Variants in ARFGEF3 observed in about 807,000 individuals in gnomAD.
ARFGEF3 encodes the protein ARFGEF family member 3.
In ARFGEF3, 96 loss-of-function variants were observed where a neutral mutation model predicts 221.7. That is an observed-to-expected ratio of 0.43 (90% CI 0.37 to 0.51). The LOEUF is 0.51. Ranked by LOEUF, ARFGEF3 falls within the 20% of genes least tolerant of loss-of-function variation. ARFGEF3 has a pLI of 0.00. For missense variants in ARFGEF3, 2,410 were observed against 2,789.9 expected (o/e 0.86, Z 3.07); for synonymous variants, 1,145 against 1,126.8 (o/e 1.02, Z -0.32).
intron 4 of ARFGEF3, among the ~76,000 whole-genome samples, chr6:138,212,252 G>T (rs981297738): frequency 6.6e-6 from 1 of 152,180 alleles, no homozygotes; most frequent in Admixed American, 6.5e-5. Context: ...TTGTCAGCTG[G>T]GCATTTGACT....
chr6:138,323,701 C>T lies in ARFGEF3; in HGVS notation c.4797C>T (p.Phe1599=). The change falls in exon 30 of 34, where the codon TTC becomes TTT. Residue 1599 remains phenylalanine, a synonymous_variant. Coordinates refer to ENST00000251691, the MANE Select transcript of ARFGEF3 (RefSeq NM_020340.5). ...TCCTTGTGACAGCGGGCCCTGTGTT[C>T]ACTGAGGAGATGTGGAGGCTTGCCT... is the stretch of plus-strand genomic sequence containing the variant. ...RYVLVTAGPV[F]TEEMWRLACC... is the part of the protein sequence containing the mutation. The T allele has an allele frequency of 6.8e-6, 11 of 1,613,928 alleles. No homozygotes were observed. The highest frequency in any genetic ancestry group is 1.7e-5 in the Admixed American group (1 of 60,012).
intron 2 of ARFGEF3, among the ~76,000 whole-genome samples, chr6:138,173,624 G>A (rs575543298): frequency 6.6e-6 from 1 of 152,286 alleles, no homozygotes; most frequent in South Asian, 2.1e-4. Context: ...GTGTTCATGT[G>A]TATGTGTGTG....
rs1286669877 is a variant in ARFGEF3 at position 138,298,641 on chromosome 6, G to A, written c.3684G>A (p.Lys1228=). ...ATAAGGAAAGACATGTGTCTCAGAA[G>A]GCTGTTTCCTTCATCCATGACATAC... ...ACHKERHVSQ[K]AVSFIHDILT... Residue 1228 remains lysine (K), a synonymous_variant, in exon 22 of 34, where the codon AAG becomes AAA. Transcript: ENST00000251691. 1.9e-6 allele frequency: 3 copies of A among 1,613,374 alleles called. No homozygotes were observed. Among genetic ancestry groups the A allele is most frequent in the Admixed American group, 3.3e-5 (2 of 59,958 alleles).
chr6:138,312,895 A>G (rs1779855594), intron 25 of ARFGEF3, among the ~76,000 whole-genome samples: 1 of 152,120 alleles, frequency 6.6e-6, no homozygotes, highest in Non-Finnish European at 1.5e-5. Flanking sequence ...TTTTTAGTAG[A>G]GACGGGGTTT....
intron 2 of ARFGEF3, among the ~76,000 whole-genome samples, chr6:138,205,673 G>C (rs1184473938): frequency 2.2e-4 from 34 of 152,250 alleles, no homozygotes; most frequent in Non-Finnish European, 1.0e-4. Flanking sequence ...GGATGTAACA[G>C]AGTTGGGTAA....
intron 9 of ARFGEF3, 31 bp from the exon 10 acceptor site, chr6:138,255,405 G>A (rs1327613815): frequency 1.3e-6 from 2 of 1,514,336 alleles, no homozygotes; most frequent in Non-Finnish European, 1.8e-6. Flanking sequence ...GGCTCGTGGG[G>A]AAAGTTACTT....
At chr6:138,164,916 G>T (rs1331000300) in intron 1 of ARFGEF3, among the ~76,000 whole-genome samples, 1 of 152,036 alleles carries the variant, frequency 6.6e-6, no homozygotes, top group East Asian at 1.9e-4. Context: ...CGCTACTTAG[G>T]TCATCATGGG....
At chr6:138,269,371 C>T (rs1778956398) in intron 12 of ARFGEF3, among the ~76,000 whole-genome samples, 1 of 152,218 alleles carries the variant, frequency 6.6e-6, no homozygotes. Context: ...GGTTTAAACA[C>T]CTCAAAAGAT....
chr6:138,212,304 G>A (rs917695203), intron 4 of ARFGEF3, among the ~76,000 whole-genome samples: 2 of 152,256 alleles, frequency 1.3e-5, no homozygotes, highest in African/African-American at 4.8e-5. Flanking sequence ...AAGGCAGGGG[G>A]ATGGCTTGAG....
chr6:138,170,463 G>T (rs913069158), intron 1 of ARFGEF3, among the ~76,000 whole-genome samples, 199 bp from the exon 2 acceptor site: 2 of 152,110 alleles, frequency 1.3e-5, no homozygotes, highest in Admixed American at 6.5e-5. Flanking sequence ...CTCCTAGTTT[G>T]CAAGGTCCAG....
rs1780053749 is a variant in ARFGEF3, at chr6:138,322,692, G to A, written c.4767-979G>A. Among the ~76,000 whole-genome samples, 3 of 151,782 alleles carry A rather than the reference G, an allele frequency of 2.0e-5. No homozygotes were observed. The South Asian group carries it at 6.3e-4, about 32-fold the overall frequency. On this transcript the variant is annotated intron_variant, in intron 29 of 33. Transcript: ENST00000251691. Reference sequence around the variant, plus strand: ...CGCCTGTAGTCCCAGCTACTCAGGAGGCTGAGGCAGGAGAATTGCTTGAAC... The same window carrying A: ...CGCCTGTAGTCCCAGCTACTCAGGAAGCTGAGGCAGGAGAATTGCTTGAAC...
chr6:138,313,823 T>C lies in ARFGEF3; in HGVS notation c.4229T>C (p.Leu1410Ser). 6.2e-7 allele frequency: 1 copy of C among 1,613,986 alleles called. No individual in the cohort carries two copies. The highest frequency in any genetic ancestry group is 1.7e-5 in the Admixed American group (1 of 60,016). ...TTGGCCAAAATCTACAAAATGCCCTTGAAGCCAATATTCCTTAGTGGGAGA... is the reference window on the plus strand; with the variant it reads ...TTGGCCAAAATCTACAAAATGCCCTCGAAGCCAATATTCCTTAGTGGGAGA... Reference protein sequence around the residue: ...QLLAKIYKMPLKPIFLSGRLA... With the variant: ...QLLAKIYKMPSKPIFLSGRLA... Residue 1410 changes from leucine (L) to serine (S), a missense_variant, in exon 26 of 34, where the codon TTG (leucine) becomes TCG (serine). Coordinates refer to ENST00000251691, the MANE Select transcript of ARFGEF3 (RefSeq NM_020340.5).
intron 5 of ARFGEF3, among the ~76,000 whole-genome samples, chr6:138,233,025 T>C (rs1016359121): frequency 1.3e-5 from 2 of 152,210 alleles, no homozygotes; most frequent in African/African-American, 2.4e-5. Flanking sequence ...CTTCCACCCT[T>C]GGACCTTTAC....
intron 15 of ARFGEF3, among the ~76,000 whole-genome samples, chr6:138,286,482 A>G (rs1779297323): frequency 6.6e-6 from 1 of 152,160 alleles, no homozygotes; most frequent in Non-Finnish European, 1.5e-5. Context: ...AGAAAAAGTA[A>G]TTGATGGAAG....
rs141861500 is a variant in ARFGEF3, at chr6:138,180,590, T to TA, written c.137+9886dup. Among the ~76,000 whole-genome samples the TA allele has an allele frequency of 2.3e-4, 34 of 150,944 alleles. No homozygotes were observed. In the East Asian group the frequency reaches 4.7e-3, roughly 21 times the overall value. On this transcript the variant is annotated intron_variant, in intron 2 of 33. Transcript: ENST00000251691. ...CTCTGTTGAGTTTTGCTGGTTACCA[T>TA]AAAAAAAAAGGCGGGCAGGTTGGGG... is the stretch of plus-strand genomic sequence containing the variant.
At chr6:138,289,641 G>A (rs537091392) in intron 17 of ARFGEF3, among the ~76,000 whole-genome samples, 177 bp from the exon 18 acceptor site, 9 of 152,354 alleles carry the variant, frequency 5.9e-5, no homozygotes, top group African/African-American at 2.2e-4. Context: ...CCAGCACGTG[G>A]GACCTGCTGG....
At chr6:138,200,308 G>C (rs187771328) in intron 2 of ARFGEF3, among the ~76,000 whole-genome samples, 1 of 151,668 alleles carries the variant, frequency 6.6e-6, no homozygotes, top group South Asian at 2.1e-4. Context: ...ATTCTTCACA[G>C]AGTTACAAGA....
intron 32 of ARFGEF3, among the ~76,000 whole-genome samples, chr6:138,329,961 G>T (rs561380995): frequency 1.2e-3 from 190 of 152,206 alleles, no homozygotes; most frequent in African/African-American, 4.4e-3. Flanking sequence ...TAGGATTTGG[G>T]TAGGTAAAGG....
intron 6 of ARFGEF3, among the ~76,000 whole-genome samples, chr6:138,242,229 G>A (rs1778404887): frequency 6.6e-6 from 1 of 152,230 alleles, no homozygotes; most frequent in South Asian, 2.1e-4. Context: ...TTGGTGCAAA[G>A]AGGTAAGGAG....
Sources: allele counts gnomAD v4.1 joint callset (sites outside exome capture counted in the v4.1 genomes callset), GRCh38; gene constraint gnomAD v4.1.1; transcripts MANE v1.5; gene names NCBI Gene and HGNC (gene_info 2026-07-23, HGNC 2026-07-21).